The following SPECC1 variants were observed in gnomAD, a reference collection of about 807,000 sequenced individuals.
SPECC1 encodes sperm antigen with calponin homology and coiled-coil domains 1.
In SPECC1, 62 loss-of-function variants were observed where a neutral mutation model predicts 104.1. The ratio of observed to expected loss-of-function variants is 0.60; its 90% CI spans 0.49 to 0.74. The LOEUF (loss-of-function observed/expected upper bound fraction) is 0.74. SPECC1 is among the 30% of genes least tolerant of loss of function. The probability of loss-of-function intolerance (pLI) is 0.00; values close to 1 mark genes in which losing one functional copy is unlikely to be tolerated. For missense variants in SPECC1, 1,306 were observed against 1,310.5 expected (o/e 1.00, Z 0.05); for synonymous variants, 513 against 501.6 (o/e 1.02, Z -0.30).
At position 20,156,327 on chromosome 17, in the gene SPECC1, A is replaced by C. The variant is rs1288218380; in HGVS notation, c.283+45765A>C. Reference sequence around the variant, plus strand: ...CCACCGCCTCCGGCTCGCGGCGCCGACTGGGGCGAGCGAAAGGCTAAGGTC... The same window carrying C: ...CCACCGCCTCCGGCTCGCGGCGCCGCCTGGGGCGAGCGAAAGGCTAAGGTC... On this transcript the variant is annotated intron_variant, in intron 3 of 14. Transcript: ENST00000395527. 8 of 1,276,536 alleles carry C rather than the reference A, an allele frequency of 6.3e-6. No individual in the cohort carries two copies. The East Asian group carries it at 2.5e-4, about 40-fold the overall frequency. 79.1% of individuals were successfully genotyped at this position (1,276,536 alleles called of 1,614,324 possible).
intron 3 of SPECC1, among the ~76,000 whole-genome samples, chr17:20,137,234 C>CG (rs1418334353): frequency 6.6e-6 from 1 of 152,212 alleles, no homozygotes; most frequent in Admixed American, 6.5e-5. Flanking sequence ...TATTTAGGAA[C>CG]CGTCCCCTTT....
chr17:20,269,309 C>G (rs2040320804), intron 12 of SPECC1, among the ~76,000 whole-genome samples: 1 of 152,206 alleles, frequency 6.6e-6, no homozygotes, highest in Non-Finnish European at 1.5e-5. Context: ...GGTGCTGAAA[C>G]TGTTTGTGCA....
chr17:20,065,001 A>T (rs2152474944), intron 1 of SPECC1, among the ~76,000 whole-genome samples: 1 of 152,256 alleles, frequency 6.6e-6, no homozygotes, highest in East Asian at 2.0e-4. Context: ...GACTTTATAG[A>T]TACTAGAAAG....
rs944841952 is a variant in SPECC1 at position 20,080,045 on chromosome 17, A to G, written c.-21-16586A>G. ...CTTTTCACAGTTGTTGCCATTGTCA[A>G]CTACCATTACTTATTACAGTTCCTA... On this transcript the variant is annotated intron_variant, in intron 1 of 14. Transcript: ENST00000395527. Among the ~76,000 whole-genome samples the G allele has an allele frequency of 2.0e-5, 3 of 152,210 alleles. No homozygotes were observed. The East Asian group carries it at 5.8e-4, about 29-fold the overall frequency.
rs755762710 is a variant in SPECC1, at chr17:20,204,375, G to A, written c.326G>A (p.Arg109Gln). 7 of 1,613,686 alleles carry A rather than the reference G, an allele frequency of 4.3e-6. No individual in the cohort carries two copies. The highest frequency in any genetic ancestry group is 5.1e-6 in the Non-Finnish European group (6 of 1,179,936). ...TTKRTGIPAP[R>Q]EFSVTVSRER... ...AAACGGACAGGCATTCCAGCCCCAC[G>A]GGAATTTTCAGTAACTGTCTCAAGA... The change falls in exon 4 of 15, where the codon CGG becomes CAG. Residue 109 changes from arginine to glutamine, a missense_variant. Arg to Gln is a conservative substitution (Grantham distance 43, BLOSUM62 1). Transcript: ENST00000395527.
At chr17:20,100,567 C>A (rs1176405393) in intron 2 of SPECC1, among the ~76,000 whole-genome samples, 1 of 152,108 alleles carries the variant, frequency 6.6e-6, no homozygotes, top group African/African-American at 2.4e-5. Context: ...TTTCACTGGT[C>A]AAAACAGGAA....
chr17:20,305,674 TTTATTAC>T (rs1478751670), intron 13 of SPECC1: 1 of 219,098 alleles, frequency 4.6e-6, no homozygotes, highest in Non-Finnish European at 9.2e-6. Flanking sequence ...AATATATGCA[TTTATTAC>T]TTTGATAATT....
At chr17:20,139,088 T>C (rs2030408152) in intron 3 of SPECC1, among the ~76,000 whole-genome samples, 2 of 152,340 alleles carry the variant, frequency 1.3e-5, no homozygotes, top group South Asian at 4.1e-4. Flanking sequence ...GTGGAGGAGC[T>C]ATGGAGTGAC....
At chr17:20,298,971 G>A (rs1489642821) in intron 13 of SPECC1, among the ~76,000 whole-genome samples, 3 of 90,326 alleles carry the variant, frequency 3.3e-5, no homozygotes, top group African/African-American at 4.6e-5. Flanking sequence ...GTGTGTGTGT[G>A]TATGTAGAGA....
chr17:20,231,976 G>A (rs1296426725), intron 6 of SPECC1, 145 bp downstream of exon 6: 5 of 975,298 alleles, frequency 5.1e-6, no homozygotes, highest in South Asian at 1.6e-5. Flanking sequence ...TTGGCAGGAA[G>A]TAAAATCAAA....
intron 12 of SPECC1, among the ~76,000 whole-genome samples, chr17:20,289,019 G>A (rs1384062480): frequency 1.3e-5 from 2 of 151,856 alleles, no homozygotes; most frequent in South Asian, 2.1e-4. Context: ...TCCTGACCTC[G>A]TGATCCACCC....
chr17:20,105,192 C>T (rs958532118), intron 2 of SPECC1, among the ~76,000 whole-genome samples: 4 of 151,976 alleles, frequency 2.6e-5, no homozygotes, highest in African/African-American at 4.8e-5. Context: ...CGAACTCCAG[C>T]GATCCTCCCG....
intron 12 of SPECC1, 58 bp from the exon 13 acceptor site, chr17:20,296,903 C>A (rs546029383): frequency 2.0e-6 from 3 of 1,467,786 alleles, no homozygotes; most frequent in African/African-American, 2.8e-5. Context: ...TCTTCCTCAT[C>A]TGTGATACTG....
intron 12 of SPECC1, among the ~76,000 whole-genome samples, chr17:20,293,930 C>T (rs536536191): frequency 2.6e-5 from 4 of 151,956 alleles, no homozygotes; most frequent in Non-Finnish European, 4.4e-5. Flanking sequence ...CCTAGGGGAC[C>T]GGTACAGGAG....
rs1483147599 is a variant in SPECC1, at chr17:20,297,017, T to A, written c.2997T>A (p.Ala999=). The change falls in exon 13 of 15, where the codon GCT becomes GCA. Residue 999 remains alanine, a synonymous_variant. Transcript: ENST00000395527. ...GGAGCGATGGCCTGGCCTTCTGTGC[T>A]CTGCTCCACACCTACCTGCCTGCCC... ...SSWSDGLAFC[A]LLHTYLPAHI... is the part of the protein sequence containing the mutation. The A allele has an allele frequency of 4.3e-6, 7 of 1,614,104 alleles. No individual in the cohort carries two copies. Among genetic ancestry groups the A allele is most frequent in the South Asian group, 3.3e-5 (3 of 91,094 alleles).
At chr17:20,313,541 G>A (rs1443246584) in intron 14 of SPECC1, among the ~76,000 whole-genome samples, 3 of 152,194 alleles carry the variant, frequency 2.0e-5, no homozygotes, top group Non-Finnish European at 2.9e-5. Flanking sequence ...ACAGCAGCAC[G>A]GGGACCCGGG....
chr17:20,028,005 A>G (rs185189209), intron 1 of SPECC1, among the ~76,000 whole-genome samples: 1 of 152,196 alleles, frequency 6.6e-6, no homozygotes, highest in African/African-American at 2.4e-5. Flanking sequence ...TAACGTCTTT[A>G]AGATTTACCC....
In SPECC1 at chr17:20,303,525, GAA is replaced by G. The variant is rs1359597160; in HGVS notation, c.3058-2495_3058-2494del. On this transcript the variant is annotated intron_variant, in intron 13 of 14. Coordinates refer to ENST00000395527, the MANE Select transcript of SPECC1 (RefSeq NM_001243439.2). ...GCCTAGAGTTTGCTTCAGTGTCAGGGAAAACCCGTCGCTTCAGGCTCTAGATG... is the reference window on the plus strand; with the variant it reads ...GCCTAGAGTTTGCTTCAGTGTCAGGGAACCCGTCGCTTCAGGCTCTAGATG... 4.6e-5 allele frequency among the ~76,000 whole-genome samples: 7 copies of G among 152,304 alleles called. No homozygotes were observed. In the East Asian group the frequency reaches 7.7e-4, roughly 17 times the overall value.
chr17:20,100,029 A>G lies in SPECC1; in HGVS notation c.147+3231A>G, dbSNP rs181888266. Among the ~76,000 whole-genome samples the G allele has an allele frequency of 9.2e-5, 14 of 152,342 alleles. No homozygotes were observed. In the East Asian group the frequency reaches 2.7e-3, roughly 29 times the overall value. Reference sequence around the variant, plus strand: ...TAGATTACTTATGATACCTCATGCAATGTAACTGCCGCATACATAGTTGTT... The same window carrying G: ...TAGATTACTTATGATACCTCATGCAGTGTAACTGCCGCATACATAGTTGTT... On this transcript the variant is annotated intron_variant, in intron 2 of 14. Transcript: ENST00000395527.
Sources: gnomAD v4.1 joint callset for allele counts (sites outside exome capture counted in the v4.1 genomes callset) on GRCh38, gnomAD v4.1.1 for gene constraint, MANE v1.5 for transcripts, NCBI Gene and HGNC (gene_info 2026-07-23, HGNC 2026-07-21) for gene names.